OLFM4: variants seen among roughly 807,000 people sequenced by gnomAD.
OLFM4 encodes olfactomedin-4.
In OLFM4, 22 loss-of-function variants were observed where a neutral mutation model predicts 25.5. The observed-to-expected ratio is 0.86, with a 90% confidence interval of 0.62 to 1.23. OLFM4 has a LOEUF of 1.23. Ranked by LOEUF, OLFM4 falls within the 50% of genes most tolerant of loss-of-function variation. The pLI is 0.00. For missense variants in OLFM4, 594 were observed against 619.4 expected, an observed-to-expected ratio of 0.96 and a Z score of 0.44; for synonymous variants, 255 against 237.7, an observed-to-expected ratio of 1.07 and a Z score of -0.67.
intron 2 of OLFM4, 86 bp downstream of exon 2, chr13:53,034,586 C>G: frequency 3.4e-6 from 4 of 1,184,398 alleles, no homozygotes; most frequent in Non-Finnish European, 4.7e-6. Flanking sequence ...AGCAATCATT[C>G]TTCACTATCA....
At chr13:53,031,875 A>G (rs1954630974) in intron 1 of OLFM4, among the ~76,000 whole-genome samples, 1 of 152,218 alleles carries the variant, frequency 6.6e-6, no homozygotes, top group South Asian at 2.1e-4. Context: ...CCAAGGGGAC[A>G]AGCTCTTGTC....
chr13:53,038,921 G>A (rs886588348), intron 2 of OLFM4, among the ~76,000 whole-genome samples: 4 of 152,200 alleles, frequency 2.6e-5, no homozygotes, highest in African/African-American at 9.6e-5. Flanking sequence ...ATGGATGATT[G>A]CCATTTTCCT....
chr13:53,033,676 T>A (rs1276681215), intron 1 of OLFM4, among the ~76,000 whole-genome samples: 1 of 152,238 alleles, frequency 6.6e-6, no homozygotes, highest in Non-Finnish European at 1.5e-5. Context: ...ATTTCACATC[T>A]AGCAAGTGCT....
At chr13:53,033,593 C>G (rs565879396) in intron 1 of OLFM4, among the ~76,000 whole-genome samples, 3 of 152,296 alleles carry the variant, frequency 2.0e-5, no homozygotes, top group African/African-American at 7.2e-5. Context: ...CACATTACTT[C>G]GTTAATACTG....
chr13:53,049,329 C>G (rs533080892), intron 4 of OLFM4, among the ~76,000 whole-genome samples: 2 of 152,116 alleles, frequency 1.3e-5, no homozygotes, highest in African/African-American at 2.4e-5. Flanking sequence ...ATTATAGGAC[C>G]ATCTTTCTGG....
intron 2 of OLFM4, among the ~76,000 whole-genome samples, chr13:53,039,040 A>C (rs1409922423): frequency 6.6e-6 from 1 of 152,046 alleles, no homozygotes; most frequent in Non-Finnish European, 1.5e-5. Context: ...GGCACACCAC[A>C]CATTTTTATA....
intron 1 of OLFM4, among the ~76,000 whole-genome samples, chr13:53,031,092 A>G (rs1954626812): frequency 6.6e-6 from 1 of 152,228 alleles, no homozygotes; most frequent in South Asian, 2.1e-4. Context: ...TTGTCTGGTA[A>G]AAAGACAGAT....
At chr13:53,036,853 G>A (rs1042677572) in intron 2 of OLFM4, among the ~76,000 whole-genome samples, 1 of 152,174 alleles carries the variant, frequency 6.6e-6, no homozygotes, top group Non-Finnish European at 1.5e-5. Context: ...TAAAGGTAAG[G>A]AGACTTGCCC....
intron 2 of OLFM4, among the ~76,000 whole-genome samples, chr13:53,040,936 T>C (rs1222335929): frequency 6.6e-6 from 1 of 152,144 alleles, no homozygotes; most frequent in African/African-American, 2.4e-5. Flanking sequence ...TACCATCTCA[T>C]ACCAGTCCAG....
intron 2 of OLFM4, among the ~76,000 whole-genome samples, chr13:53,037,096 G>A (rs775907870): frequency 1.4e-4 from 21 of 152,184 alleles, no homozygotes; most frequent in Non-Finnish European, 3.1e-4. Flanking sequence ...CATTTATCCG[G>A]GGGCCTGGGA....
intron 1 of OLFM4, among the ~76,000 whole-genome samples, chr13:53,032,844 C>G (rs527939141): frequency 4.6e-5 from 7 of 152,110 alleles, no homozygotes; most frequent in Non-Finnish European, 7.4e-5. Context: ...CATCTAGACC[C>G]AGCTTGATCA....
intron 3 of OLFM4, 114 bp from the exon 4 acceptor site, chr13:53,042,991 A>G (rs1360662764): frequency 1.3e-6 from 1 of 766,422 alleles, no homozygotes; most frequent in African/African-American, 1.8e-5. Flanking sequence ...CATTCAGAAG[A>G]ATCTCTGGTG....
chr13:53,038,306 C>T (rs1356378031), intron 2 of OLFM4, among the ~76,000 whole-genome samples: 9 of 152,142 alleles, frequency 5.9e-5, no homozygotes, highest in Non-Finnish European at 1.3e-4. Context: ...GATCAAAATA[C>T]AGCCATAGGT....
At chr13:53,033,992 GCTT>G (rs1392363185) in intron 1 of OLFM4, among the ~76,000 whole-genome samples, 5 of 148,468 alleles carry the variant, frequency 3.4e-5, no homozygotes, top group Admixed American at 6.7e-5. Flanking sequence ...GGGAGCCGGA[GCTT>G]GCAGTGAGCC....
intron 2 of OLFM4, among the ~76,000 whole-genome samples, chr13:53,034,816 T>G (rs7992393): frequency 0.5 from 76,570 of 151,990 alleles, 19,625 homozygotes; most frequent in East Asian, 0.74. Context: ...TATTTTGTTT[T>G]GACGCTGCTT....
chr13:53,047,060 G>T (rs868830981), intron 4 of OLFM4, among the ~76,000 whole-genome samples: 1 of 152,328 alleles, frequency 6.6e-6, no homozygotes, highest in Middle Eastern at 3.4e-3. Context: ...GGGTACTGTT[G>T]CTCCTGACAG....
rs368904432 is a variant in OLFM4, at chr13:53,032,397, A to C, written c.205-1951A>C. Among the ~76,000 whole-genome samples the C allele has an allele frequency of 2.0e-5, 3 of 152,076 alleles. No homozygotes were observed. In the East Asian group the frequency reaches 5.8e-4, roughly 29 times the overall value. Reference sequence around the variant, plus strand: ...TAAGCTATTTCTTCAAAAGTCCTTGATATGTCGGTCTTTTCTGTAAAAGCC... The same window carrying C: ...TAAGCTATTTCTTCAAAAGTCCTTGCTATGTCGGTCTTTTCTGTAAAAGCC... On this transcript the variant is annotated intron_variant, in intron 1 of 4. Coordinates refer to ENST00000219022, the MANE Select transcript of OLFM4 (RefSeq NM_006418.5).
chr13:53,029,539 C>T (rs967172782), intron 1 of OLFM4, among the ~76,000 whole-genome samples: 4 of 152,060 alleles, frequency 2.6e-5, no homozygotes, highest in Admixed American at 1.3e-4. Context: ...CAGTAGCCCT[C>T]GAGGGAGTGA....
chr13:53,037,421 A>G (rs1954664672), intron 2 of OLFM4, among the ~76,000 whole-genome samples: 1 of 152,228 alleles, frequency 6.6e-6, no homozygotes, highest in Admixed American at 6.5e-5. Flanking sequence ...AAGGCAACCC[A>G]TAAAGAAATA....
Sources: allele counts gnomAD v4.1 joint callset (sites outside exome capture counted in the v4.1 genomes callset), GRCh38; gene constraint gnomAD v4.1.1; transcripts MANE v1.5; gene names NCBI Gene and HGNC (gene_info 2026-07-23, HGNC 2026-07-21).